The following EXOC6 variants were observed in gnomAD, a reference collection of about 807,000 sequenced individuals.
The protein encoded by EXOC6 is exocyst complex component 6.
A neutral mutation model predicts 112.5 loss-of-function variants in EXOC6; 60 were observed. The ratio of observed to expected loss-of-function variants is 0.53; its 90% CI spans 0.43 to 0.66. The LOEUF is 0.66. Among genes scored for constraint, EXOC6 ranks in the 30% least tolerant of loss-of-function variants. The pLI, the probability that EXOC6 is intolerant of heterozygous loss-of-function variation, is 0.00. For synonymous variants in EXOC6, 295 were observed against 308.0 expected, an observed-to-expected ratio of 0.96 and a Z score of 0.44; for missense variants, 855 against 957.1, an observed-to-expected ratio of 0.89 and a Z score of 1.41.
At chr10:92,881,990 C>CT (rs1211697482) in intron 1 of EXOC6, among the ~76,000 whole-genome samples, 1 of 152,148 alleles carries the variant, frequency 6.6e-6, no homozygotes, top group Non-Finnish European at 1.5e-5. Context: ...ACCTCTTTTT[C>CT]TTTATCAATT....
At chr10:92,928,679 T>C (rs1311832235) in intron 9 of EXOC6, among the ~76,000 whole-genome samples, 1 of 147,690 alleles carries the variant, frequency 6.8e-6, no homozygotes, top group Admixed American at 6.7e-5. Flanking sequence ...ACAAGAAATA[T>C]ATAAAATATC....
chr10:92,952,507 T>C lies in EXOC6; in HGVS notation c.1526+125T>C. The C allele has an allele frequency of 1.5e-5, 10 of 678,924 alleles. No individual in the cohort carries two copies. In the South Asian group the frequency reaches 1.7e-4, roughly 12 times the overall value. The allele number at this position is 678,924 out of a possible 1,614,324, so 42.1% of individuals were successfully genotyped here. A position where few individuals can be genotyped will look rare whatever the true frequency, so the allele number is the denominator to read the frequency against. ...AGATTCATGGGGTACATGTTTGTTA[T>C]AGGGGCATATTGTGTAATGCTGAGA... On this transcript the variant is annotated intron_variant, in intron 15 of 21. Transcript: ENST00000260762.
intron 20 of EXOC6, among the ~76,000 whole-genome samples, chr10:93,055,636 T>C (rs1846501673): frequency 6.6e-6 from 1 of 152,200 alleles, no homozygotes; most frequent in East Asian, 1.9e-4. Flanking sequence ...TTAAATAAGT[T>C]CCCTTTTCTT....
At position 92,899,613 on chromosome 10, in the gene EXOC6, A is replaced by G; in HGVS notation, c.427A>G (p.Ser143Gly). Residue 143 changes from serine (S) to glycine (G), a missense_variant, in exon 5 of 22, where the codon AGT becomes GGT. By Grantham distance (56) the Ser-to-Gly change is moderately conservative. Around this residue, in one of 2 missense-constraint regions of EXOC6, gnomAD observed 405 missense variants for 393.6 expected, o/e 1.03. Coordinates refer to ENST00000260762, the MANE Select transcript of EXOC6 (RefSeq NM_019053.6). ...TTTTAATGCAGTGCTAGAAATGTAC[A>G]GTAAGCTGAAAGAACAGATGAGTGC... Reference protein sequence around the residue: ...QLCLPVLEMYSKLKEQMSAKR... With the variant: ...QLCLPVLEMYGKLKEQMSAKR... 1 of 1,607,986 alleles carries G rather than the reference A, an allele frequency of 6.2e-7. No homozygotes were observed. The highest frequency in any genetic ancestry group is 8.5e-7 in the Non-Finnish European group (1 of 1,177,172).
Position 92,940,763 on chromosome 10 carries a change from TTATTTGAAATAAGAGACCAA to T in EXOC6, c.1252_1271del (p.Phe418GlnfsTer2). 6.2e-7 allele frequency: 1 copy of T among 1,612,042 alleles called. No individual in the cohort carries two copies. Among genetic ancestry groups the T allele is most frequent in the Non-Finnish European group, 8.5e-7 (1 of 1,179,420 alleles). ...TCCAGTGAACCGACTTTTTGACCTT[TTATTTGAAATAAGAGACCAA>T]TACAATGAAACACTGCTTAAGAAAT... On this transcript the variant is annotated frameshift_variant, in exon 13 of 22. Transcript: ENST00000260762. LOFTEE classifies it high-confidence loss of function.
chr10:92,848,411 C>T (rs916711576), upstream of EXOC6: 1 of 773,514 alleles, frequency 1.3e-6, no homozygotes, highest in Non-Finnish European at 1.6e-6. Flanking sequence ...GTTCCGCGCG[C>T]CCCCGCGCCG....
chr10:93,027,441 A>G (rs1337662338), intron 20 of EXOC6, among the ~76,000 whole-genome samples: 7 of 142,288 alleles, frequency 4.9e-5, no homozygotes, highest in South Asian at 2.3e-4. Flanking sequence ...ACAACCTTCT[A>G]TTGGAAAAAG....
At chr10:93,010,712 A>G (rs1844198512) in intron 19 of EXOC6, among the ~76,000 whole-genome samples, 1 of 151,568 alleles carries the variant, frequency 6.6e-6, no homozygotes, top group Non-Finnish European at 1.5e-5. Context: ...AAAAAAAAAA[A>G]AAAAAAATGG....
intron 17 of EXOC6, among the ~76,000 whole-genome samples, chr10:92,966,690 G>T (rs1429051450): frequency 1.4e-5 from 2 of 146,592 alleles, no homozygotes; most frequent in Admixed American, 1.4e-4. Flanking sequence ...GTCTATCATT[G>T]TTGGACATTT....
At chr10:92,929,090 G>C (rs1418982164) in intron 9 of EXOC6, among the ~76,000 whole-genome samples, 2 of 152,186 alleles carry the variant, frequency 1.3e-5, no homozygotes, top group Admixed American at 6.5e-5. Flanking sequence ...TAAGCCCAGA[G>C]CCCACCCAAA....
chr10:92,955,563 T>C lies in EXOC6; in HGVS notation c.1639-17T>C. On this transcript the variant is annotated splice_polypyrimidine_tract_variant and intron_variant, in intron 16 of 21. Coordinates refer to ENST00000260762, the MANE Select transcript of EXOC6 (RefSeq NM_019053.6). ...CATGTAACCTGTATTTTACTAGATA[T>C]ATCTTGTGTTTTCTAGCTGGTACAA... 6.2e-7 allele frequency: 1 copy of C among 1,601,186 alleles called. No individual in the cohort carries two copies. Among genetic ancestry groups the C allele is most frequent in the Non-Finnish European group, 8.5e-7 (1 of 1,172,642 alleles).
intron 1 of EXOC6, among the ~76,000 whole-genome samples, chr10:92,849,529 GT>G (rs903829435): frequency 6.6e-6 from 1 of 152,082 alleles, no homozygotes; most frequent in African/African-American, 2.4e-5. Flanking sequence ...TACATATAAG[GT>G]TTCATCTTTT....
At chr10:92,952,860 G>A (rs1853496945) in intron 15 of EXOC6, among the ~76,000 whole-genome samples, 1 of 151,826 alleles carries the variant, frequency 6.6e-6, no homozygotes, top group Non-Finnish European at 1.5e-5. Context: ...TGCTATCAAT[G>A]GGGAGGTGCT....
At chr10:93,049,179 T>A (rs966146930) in intron 20 of EXOC6, among the ~76,000 whole-genome samples, 6 of 152,052 alleles carry the variant, frequency 3.9e-5, no homozygotes, top group Non-Finnish European at 5.9e-5. Flanking sequence ...TGCCTCAGCC[T>A]CCTGAGTAGC....
chr10:92,987,934 G>A (rs936856156), intron 18 of EXOC6, among the ~76,000 whole-genome samples: 2 of 152,048 alleles, frequency 1.3e-5, no homozygotes, highest in Admixed American at 6.6e-5. Flanking sequence ...GTAAAATGAG[G>A]TATGTGGCAA....
intron 1 of EXOC6, among the ~76,000 whole-genome samples, chr10:92,858,067 C>A (rs1847713734): frequency 7.0e-6 from 1 of 142,006 alleles, no homozygotes; most frequent in South Asian, 2.4e-4. Context: ...TTTCCACTGC[C>A]TCTGGGCTTC....
At chr10:93,009,024 G>T (rs1844121839) in intron 19 of EXOC6, among the ~76,000 whole-genome samples, 2 of 151,978 alleles carry the variant, frequency 1.3e-5, no homozygotes, top group African/African-American at 2.4e-5. Flanking sequence ...GTTTGAGACT[G>T]GCCTAGGCAA....
At chr10:92,904,920 G>A (rs966780473) in intron 5 of EXOC6, among the ~76,000 whole-genome samples, 1 of 151,894 alleles carries the variant, frequency 6.6e-6, no homozygotes, top group Non-Finnish European at 1.5e-5. Flanking sequence ...GAGTCTTAGA[G>A]TTTTGTGTTT....
intron 9 of EXOC6, 126 bp from the exon 10 acceptor site, chr10:92,934,017 TA>T: frequency 1.8e-6 from 1 of 552,520 alleles, no homozygotes; most frequent in Non-Finnish European, 3.2e-6. Context: ...CCCTGGTACC[TA>T]AAAATGTACG....
Sources: gnomAD v4.1 joint callset for allele counts (sites outside exome capture counted in the v4.1 genomes callset) on GRCh38, gnomAD v4.1.1 for gene constraint, gnomAD v4.1.1 regional missense constraint, MANE v1.5 for transcripts, NCBI Gene and HGNC (gene_info 2026-07-23, HGNC 2026-07-21) for gene names.